CRYBG1: variants seen among roughly 807,000 people sequenced by gnomAD.
CRYBG1 encodes beta/gamma crystallin domain-containing protein 1.
CRYBG1 carries 139 observed loss-of-function variants against 189.2 expected under a neutral mutation model. The ratio of observed to expected loss-of-function variants is 0.73; its 90% CI spans 0.64 to 0.85. The LOEUF (loss-of-function observed/expected upper bound fraction) is 0.85, where lower values mean the gene tolerates loss of function less well. Among genes scored for constraint, CRYBG1 ranks in the 40% least tolerant of loss-of-function variants. CRYBG1 has a pLI of 0.00. For missense variants in CRYBG1, 2,611 were observed against 2,675.8 expected, an observed-to-expected ratio of 0.98 and a Z score of 0.53; for synonymous variants, 1,023 against 1,017.1, an observed-to-expected ratio of 1.01 and a Z score of -0.11.
intron 1 of CRYBG1, among the ~76,000 whole-genome samples, chr6:106,406,194 G>C (rs1770818966): frequency 6.6e-6 from 1 of 152,130 alleles, no homozygotes; most frequent in Non-Finnish European, 1.5e-5. Flanking sequence ...ATAACCTGAT[G>C]GAGCTGAAAA....
chr6:106,373,276 G>A (rs1397013909), intron 1 of CRYBG1, among the ~76,000 whole-genome samples: 1 of 152,170 alleles, frequency 6.6e-6, no homozygotes, highest in African/African-American at 2.4e-5. Flanking sequence ...CTCAGTTCCT[G>A]AAGTGTTAAC....
rs1562113207 is a variant in CRYBG1, at chr6:106,544,771, A to T, written c.5167-17A>T. On this transcript the variant is annotated splice_polypyrimidine_tract_variant and intron_variant, in intron 12 of 21. Coordinates refer to ENST00000633556, the MANE Select transcript of CRYBG1 (RefSeq NM_001371242.2). ...TAAATGGCTAGCCTTTGAATTTTGAATTTTTTTTCTCAATAGGATTTTTCA... is the reference window on the plus strand; with the variant it reads ...TAAATGGCTAGCCTTTGAATTTTGATTTTTTTTTCTCAATAGGATTTTTCA... 1 of 1,601,458 alleles carries T rather than the reference A, an allele frequency of 6.2e-7. No homozygotes were observed. The highest frequency in any genetic ancestry group is 1.1e-5 in the South Asian group (1 of 88,924).
intron 1 of CRYBG1, among the ~76,000 whole-genome samples, chr6:106,422,344 A>ATTTATTTTTATTTTTTTTTT (rs57640822): frequency 2.1e-5 from 3 of 139,928 alleles, no homozygotes; most frequent in Admixed American, 1.5e-4. Flanking sequence ...TTATTTATTT[A>ATTTATTTTTATTTTTTTTTT]TTTTTGAGAC....
chr6:106,545,093 T>C (rs971849297), intron 13 of CRYBG1, among the ~76,000 whole-genome samples, 160 bp downstream of exon 13: 3 of 152,230 alleles, frequency 2.0e-5, no homozygotes, highest in African/African-American at 7.2e-5. Flanking sequence ...ATATTTTCGT[T>C]AACTCTCTTT....
intron 1 of CRYBG1, among the ~76,000 whole-genome samples, chr6:106,429,848 C>G (rs1771293747): frequency 6.6e-6 from 1 of 152,166 alleles, no homozygotes; most frequent in African/African-American, 2.4e-5. Context: ...GGGGCTGTAG[C>G]AATCACTGGA....
At chr6:106,494,591 T>C (rs1772801544) in intron 2 of CRYBG1, among the ~76,000 whole-genome samples, 1 of 152,186 alleles carries the variant, frequency 6.6e-6, no homozygotes, top group African/African-American at 2.4e-5. Flanking sequence ...TGTCATTATT[T>C]TGTGGAAGAA....
intron 1 of CRYBG1, among the ~76,000 whole-genome samples, chr6:106,446,358 G>T (rs1454483728): frequency 1.3e-5 from 2 of 152,164 alleles, no homozygotes; most frequent in East Asian, 3.8e-4. Context: ...TGGTGTCTTA[G>T]GTTCCCTTGA....
intron 15 of CRYBG1, 119 bp from the exon 16 acceptor site, chr6:106,553,336 T>G (rs1466220731): frequency 1.6e-6 from 1 of 638,888 alleles, no homozygotes; most frequent in Non-Finnish European, 2.8e-6. Flanking sequence ...TTTCTAAAAT[T>G]CGTACCAGTT....
In CRYBG1 at chr6:106,390,852, G is replaced by A. The variant is rs531192213; in HGVS notation, c.173+29771G>A. ...GGGTTATTTCTAGTTTTTTACTACAGCATTATGAGAAAAGGTCCTATGAAC... is the reference window on the plus strand; with the variant it reads ...GGGTTATTTCTAGTTTTTTACTACAACATTATGAGAAAAGGTCCTATGAAC... On this transcript the variant is annotated intron_variant, in intron 1 of 21. Coordinates refer to ENST00000633556, the MANE Select transcript of CRYBG1 (RefSeq NM_001371242.2). 3.9e-5 allele frequency among the ~76,000 whole-genome samples: 6 copies of A among 152,212 alleles called. No homozygotes were observed. In the South Asian group the frequency reaches 1.2e-3, roughly 32 times the overall value.
At chr6:106,500,019 A>G (rs1313258605) in intron 2 of CRYBG1, among the ~76,000 whole-genome samples, 2 of 152,214 alleles carry the variant, frequency 1.3e-5, no homozygotes, top group Non-Finnish European at 2.9e-5. Flanking sequence ...TTAAGGCTGA[A>G]TTATAGTCCA....
intron 1 of CRYBG1, among the ~76,000 whole-genome samples, chr6:106,394,859 A>AT (rs34252257): frequency 0.41 from 58,824 of 141,988 alleles, 14,027 homozygotes; most frequent in South Asian, 0.54. Flanking sequence ...ACACAGCAGA[A>AT]TTTTTTTTTT....
At chr6:106,535,466 T>C (rs1226117883) in intron 8 of CRYBG1, among the ~76,000 whole-genome samples, 1 of 152,238 alleles carries the variant, frequency 6.6e-6, no homozygotes, top group Non-Finnish European at 1.5e-5. Context: ...ATTGGAGATA[T>C]CATGACCCTT....
intron 2 of CRYBG1, among the ~76,000 whole-genome samples, chr6:106,470,253 A>C (rs1462395156): frequency 6.6e-6 from 1 of 152,100 alleles, no homozygotes; most frequent in Non-Finnish European, 1.5e-5. Flanking sequence ...GAACCCCAGG[A>C]GGTCAAGGGT....
intron 2 of CRYBG1, among the ~76,000 whole-genome samples, chr6:106,497,788 T>A (rs549997831): frequency 1.3e-5 from 2 of 152,028 alleles, no homozygotes; most frequent in Non-Finnish European, 2.9e-5. Flanking sequence ...CACATGCAGG[T>A]TCTTAAGAAC....
chr6:106,459,546 T>G (rs1324675020), intron 2 of CRYBG1, among the ~76,000 whole-genome samples: 37 of 62,412 alleles, frequency 5.9e-4, no homozygotes, highest in African/African-American at 2.1e-3. Flanking sequence ...CATTTGTGGG[T>G]TTTTTTTTTT....
intron 2 of CRYBG1, among the ~76,000 whole-genome samples, chr6:106,496,991 CA>C (rs1398911795): frequency 6.6e-6 from 1 of 152,170 alleles, no homozygotes; most frequent in African/African-American, 2.4e-5. Context: ...TCCAGAGGCA[CA>C]AGCCAAGGCA....
Position 106,552,178 on chromosome 6 carries a change from T to G in CRYBG1, c.5440-6T>G, listed in dbSNP as rs377761104. 1.3e-4 allele frequency: 199 copies of G among 1,586,940 alleles called. 2 individuals carry two copies. Among genetic ancestry groups the G allele is most frequent in the South Asian group, 7.7e-4 (67 of 86,522 alleles). On this transcript the variant is annotated splice_region_variant and splice_polypyrimidine_tract_variant and intron_variant, in intron 14 of 21. Transcript: ENST00000633556. The stretch of plus-strand genomic sequence containing the variant: ...TTCCTTTTCTCCTTCCTTTAAAAAT[T>G]TTTAGGATTCTTTCACTGGCCCAAG...
intron 13 of CRYBG1, among the ~76,000 whole-genome samples, chr6:106,548,212 C>T (rs550573134): frequency 1.3e-5 from 2 of 152,072 alleles, no homozygotes; most frequent in Non-Finnish European, 2.9e-5. Flanking sequence ...TTCTTAAGAG[C>T]CCCAAGTGTA....
At chr6:106,527,269 AGACT>A (rs781361885) in intron 6 of CRYBG1, 32 bp from the exon 7 acceptor site, 2 of 1,573,608 alleles carry the variant, frequency 1.3e-6, no homozygotes, top group South Asian at 1.2e-5. Flanking sequence ...TCTCTCACGA[AGACT>A]GACTAATGGT....
Sources: allele counts gnomAD v4.1 joint callset (sites outside exome capture counted in the v4.1 genomes callset), GRCh38; gene constraint gnomAD v4.1.1; transcripts MANE v1.5; gene names NCBI Gene and HGNC (gene_info 2026-07-23, HGNC 2026-07-21).